The following PTPN7 variants were observed in gnomAD, a reference collection of about 807,000 sequenced individuals.
PTPN7 encodes the protein tyrosine-protein phosphatase non-receptor type 7.
In PTPN7, 33 loss-of-function variants were observed where a neutral mutation model predicts 50.3. The ratio of observed to expected loss-of-function variants is 0.66; its 90% confidence interval spans 0.50 to 0.88. PTPN7 has a LOEUF of 0.88. Ranked by LOEUF, PTPN7 falls within the 40% of genes least tolerant of loss-of-function variation. The probability of loss-of-function intolerance (pLI) is 0.00; values close to 1 mark genes in which losing one functional copy is unlikely to be tolerated. For missense variants in PTPN7, 412 were observed against 475.4 expected (o/e 0.87, Z 1.24); for synonymous variants, 185 against 186.6 (o/e 0.99, Z 0.07).
At chr1:202,157,208 G>A (rs550974682) in intron 4 of PTPN7, among the ~76,000 whole-genome samples, 5 of 152,326 alleles carry the variant, frequency 3.3e-5, no homozygotes, top group Admixed American at 6.5e-5. Context: ...TGTGAGAAAT[G>A]AGTGAATATA....
At chr1:202,152,439 GC>G (rs2147833749) in intron 8 of PTPN7, 102 bp downstream of exon 8, 1 of 1,354,234 alleles carries the variant, frequency 7.4e-7, no homozygotes, top group Non-Finnish European at 9.9e-7. Context: ...TAAGGACTAG[GC>G]TTGCCTGATG....
In PTPN7 at chr1:202,159,187, C is replaced by T. The variant is rs2147853648; in HGVS notation, c.122+94G>A. On this transcript the variant is annotated intron_variant, in intron 2 of 9. Coordinates refer to ENST00000691036, the MANE Select transcript of PTPN7 (RefSeq NM_002832.4). The surrounding 1 kb of genome is among the most constrained non-coding windows in gnomAD (Gnocchi z 4.6). The stretch of plus-strand genomic sequence containing the variant: ...GTCAACAACTGAGGGCCCTCTGGAC[C>T]CTGCTGTCAGAGCTGGAGGGGCAGA... 1 of 1,303,516 alleles carries T rather than the reference C, an allele frequency of 7.7e-7. No homozygotes were observed. The highest frequency in any genetic ancestry group is 2.3e-5 in the East Asian group (1 of 43,214). 80.7% of individuals were successfully genotyped at this position (1,303,516 alleles called of 1,614,324 possible).
rs141900007 is a variant in PTPN7, at chr1:202,154,262, G to A, written c.530C>T (p.Ser177Leu). The A allele has an allele frequency of 5.0e-5, 80 of 1,614,128 alleles. No individual in the cohort carries two copies. The African/African-American group carries it at 6.8e-4, about 14-fold the overall frequency. ...ATQGPMPNTV[S>L]DFWEMVWQEE... ...TTGCCACACCATCTCCCAGAAGTCC[G>A]ACACAGTGTTGGGCATGGGGCCCTG... The change falls in exon 6 of 10, where the codon TCG becomes TTG. Residue 177 changes from serine (S) to leucine (L), a missense_variant. By Grantham distance (145) the Ser-to-Leu change is moderately radical (BLOSUM62 -2). Coordinates refer to ENST00000691036, the MANE Select transcript of PTPN7 (RefSeq NM_002832.4).
rs150970119 is a variant in PTPN7, at chr1:202,158,252, C to T, written c.172G>A (p.Val58Ile). The change falls in exon 3 of 10, where the codon GTA (valine) becomes ATA (isoleucine). Residue 58 changes from valine (V) to isoleucine (I), a missense_variant. Val to Ile is a conservative substitution (Grantham distance 29, BLOSUM62 3). Transcript: ENST00000691036. ...GTGTTCACAGAGCAGATGGGTTCTACGGCCCCCAGGGACCGAACGTCCAGC... is the reference window on the plus strand; with the variant it reads ...GTGTTCACAGAGCAGATGGGTTCTATGGCCCCCAGGGACCGAACGTCCAGC... ...LMLDVRSLGAVEPICSVNTPR... is the reference protein window; with the variant it reads ...LMLDVRSLGAIEPICSVNTPR... 4.2e-5 allele frequency: 67 copies of T among 1,614,048 alleles called. 1 individual carries two copies. Among genetic ancestry groups the T allele is most frequent in the African/African-American group, 5.3e-5 (4 of 74,934 alleles).
At position 202,157,759 on chromosome 1, in the gene PTPN7, C is replaced by A; in HGVS notation, c.371G>T (p.Arg124Leu). ...LDIPGHASKD[R>L]YKTILPNPQS... is the part of the protein sequence containing the mutation. ...CTTACTTGGCAAGATGGTCTTGTAT[C>A]GGTCCTTGGAGGCGTGGCCAGGGAT... is the stretch of plus-strand genomic sequence containing the variant. The change falls in exon 4 of 10, where the codon CGA becomes CTA. Residue 124 changes from arginine (R) to leucine (L), a missense_variant. By Grantham distance (102) the Arg-to-Leu change is moderately radical (BLOSUM62 -2). Transcript: ENST00000691036. 6.2e-7 allele frequency: 1 copy of A among 1,613,942 alleles called. No individual in the cohort carries two copies. The highest frequency in any genetic ancestry group is 8.5e-7 in the Non-Finnish European group (1 of 1,179,826).
At chr1:202,149,046 G>C (rs895454511) in intron 9 of PTPN7, among the ~76,000 whole-genome samples, 1 of 152,036 alleles carries the variant, frequency 6.6e-6, no homozygotes, top group South Asian at 2.1e-4. Context: ...AGTAGAAACA[G>C]GGTTTCACCA....
intron 9 of PTPN7, 99 bp downstream of exon 9, chr1:202,150,212 G>A (rs994872657): frequency 1.2e-5 from 11 of 882,364 alleles, no homozygotes; most frequent in Middle Eastern, 2.2e-4. Context: ...CTTTCTTGCA[G>A]GAGTGCTTGA....
chr1:202,159,678 G>T lies in PTPN7; in HGVS notation c.-52-224C>A. 7.2e-7 allele frequency: 1 copy of T among 1,393,218 alleles called. No homozygotes were observed. 86.3% of individuals were successfully genotyped at this position (1,393,218 alleles called of 1,614,324 possible). A position where few individuals can be genotyped will look rare whatever the true frequency, so the allele number is the denominator to read the frequency against. On this transcript the variant is annotated intron_variant, in intron 1 of 9. Transcript: ENST00000691036. This position sits in a 1 kb window ranked among gnomAD's most constrained non-coding sequence, Gnocchi z 4.6. The stretch of plus-strand genomic sequence containing the variant: ...CGGCAAGATAAAGGGTAGAGATTGT[G>T]GATGAAGATAGGAAAGAATCCAGAA...
intron 3 of PTPN7, 143 bp downstream of exon 3, chr1:202,157,975 C>A: frequency 1.6e-6 from 2 of 1,254,934 alleles, no homozygotes; most frequent in South Asian, 1.5e-5. Context: ...AGCCTGGGGG[C>A]AGCCCCTCCC....
chr1:202,151,207 C>T (rs137868402), intron 8 of PTPN7, among the ~76,000 whole-genome samples: 2 of 152,362 alleles, frequency 1.3e-5, no homozygotes, highest in African/African-American at 4.8e-5. Context: ...CCCTCATCAT[C>T]TGACCTTCAC....
At chr1:202,157,946 G>T (rs1571760212) in intron 3 of PTPN7, 123 bp from the exon 4 acceptor site, 2 of 1,246,358 alleles carry the variant, frequency 1.6e-6, no homozygotes, top group East Asian at 2.4e-5. Context: ...GGCCTAGATG[G>T]GGTGGGGGCA....
In PTPN7 at chr1:202,159,967, G is replaced by C; in HGVS notation, c.-52-513C>G. 4.0e-6 allele frequency: 4 copies of C among 1,001,528 alleles called. 1 individual carries two copies. In the South Asian group the frequency reaches 1.3e-4, roughly 33 times the overall value. 62.0% of individuals were successfully genotyped at this position (1,001,528 alleles called of 1,614,324 possible). ...GCAGGGTCCTCTCCTAACTGCTGCT[G>C]TTCCACTCCCAGGTCTGTTTCTGGC... On this transcript the variant is annotated intron_variant, in intron 1 of 9. Transcript: ENST00000691036. The surrounding 1 kb of genome is among the most constrained non-coding windows in gnomAD (Gnocchi z 4.6).
intron 4 of PTPN7, among the ~76,000 whole-genome samples, chr1:202,156,753 A>G (rs1656705887): frequency 6.6e-6 from 1 of 152,208 alleles, no homozygotes; most frequent in African/African-American, 2.4e-5. Context: ...CAGGAGGGTT[A>G]GCAGGAGACA....
At chr1:202,158,935 CT>C in intron 2 of PTPN7, 1 of 267,066 alleles carries the variant, frequency 3.7e-6, no homozygotes, top group Non-Finnish European at 7.3e-6. Context: ...AGCCCTCTCC[CT>C]TTGTCAGCCA....
At chr1:202,154,904 G>A (rs751377784) in intron 5 of PTPN7, among the ~76,000 whole-genome samples, 9 of 152,158 alleles carry the variant, frequency 5.9e-5, no homozygotes, top group African/African-American at 1.2e-4. Context: ...CAGTTGATCC[G>A]GTATTGGCCG....
chr1:202,159,085 G>A lies in PTPN7; in HGVS notation c.122+196C>T. ...CCTGGAATTTAGGGAGCAGGCTCAT[G>A]GTTGATATGAAACTCTGTGCTCCAG... is the stretch of plus-strand genomic sequence containing the variant. On this transcript the variant is annotated intron_variant, in intron 2 of 9. Coordinates refer to ENST00000691036, the MANE Select transcript of PTPN7 (RefSeq NM_002832.4). This position sits in a 1 kb window ranked among gnomAD's most constrained non-coding sequence, Gnocchi z 4.6. 1.6e-6 allele frequency: 1 copy of A among 607,098 alleles called. No individual in the cohort carries two copies. The highest frequency in any genetic ancestry group is 2.9e-6 in the Non-Finnish European group (1 of 343,320). The allele number at this position is 607,098 out of a possible 1,614,324, so 37.6% of individuals were successfully genotyped here.
At chr1:202,150,770 C>T (rs1279056319) in intron 8 of PTPN7, among the ~76,000 whole-genome samples, 1 of 152,134 alleles carries the variant, frequency 6.6e-6, no homozygotes, top group African/African-American at 2.4e-5. Flanking sequence ...TGCTGACCCT[C>T]GAGCCCTCCT....
rs367653283 is a variant in PTPN7 at position 202,150,294 on chromosome 1, T to C, written c.989+17A>G. 5 of 1,596,688 alleles carry C rather than the reference T, an allele frequency of 3.1e-6. No individual in the cohort carries two copies. In the African/African-American group the frequency reaches 6.7e-5, roughly 21 times the overall value. On this transcript the variant is annotated intron_variant, in intron 9 of 9. Coordinates refer to ENST00000691036, the MANE Select transcript of PTPN7 (RefSeq NM_002832.4). Reference sequence around the variant, plus strand: ...ATCCGTTAACGTTGTTGGCCTTGTTTACACCCACAGACCCACCTGTCTAGC... The same window carrying C: ...ATCCGTTAACGTTGTTGGCCTTGTTCACACCCACAGACCCACCTGTCTAGC...
At position 202,160,006 on chromosome 1, in the gene PTPN7, G is replaced by C. The variant is rs1657175518; in HGVS notation, c.-53+539C>G. ...TCTGTTTCTGGCTTCTGGGGTCTCT[G>C]TCCAGGGAGGTAGGCTGGAGGTGTT... On this transcript the variant is annotated intron_variant, in intron 1 of 9. Transcript: ENST00000691036. This position sits in a 1 kb window ranked among gnomAD's most constrained non-coding sequence, Gnocchi z 4.8. The C allele has an allele frequency of 4.6e-5, 46 of 997,192 alleles. No homozygotes were observed. In the South Asian group the frequency reaches 1.7e-3, roughly 36 times the overall value. 61.8% of individuals were successfully genotyped at this position (997,192 alleles called of 1,614,324 possible).
Sources: allele counts gnomAD v4.1 joint callset (sites outside exome capture counted in the v4.1 genomes callset), GRCh38; gene constraint gnomAD v4.1.1; non-coding constraint Gnocchi (gnomAD v3.1); transcripts MANE v1.5; gene names NCBI Gene and HGNC (gene_info 2026-07-23, HGNC 2026-07-21).